Variants in SGCD observed in about 807,000 individuals in gnomAD.
SGCD encodes the protein delta-sarcoglycan.
Under a neutral mutation model 36.6 loss-of-function variants are expected in SGCD, and 18 were observed. That is an observed-to-expected ratio of 0.49 (90% CI 0.34 to 0.73). SGCD has a LOEUF of 0.73. SGCD is among the 30% of genes least tolerant of loss of function. The probability of loss-of-function intolerance (pLI) is 0.01; values close to 1 mark genes in which losing one functional copy is unlikely to be tolerated. For synonymous variants in SGCD, 133 were observed against 130.6 expected (o/e 1.02, Z -0.12); for missense variants, 387 against 346.7 (o/e 1.12, Z -0.92).
At chr5:156,744,226 C>T (rs1756833865) in intron 7 of SGCD, among the ~76,000 whole-genome samples, 1 of 152,204 alleles carries the variant, frequency 6.6e-6, no homozygotes, top group South Asian at 2.1e-4. Flanking sequence ...GCTGGAACAA[C>T]ATTTCCCAAA....
chr5:156,444,122 CCCTCTCTCTCTCTCTCCTTCCCTT>C lies in SGCD; in HGVS notation c.193-64478_193-64455del, dbSNP rs1233557930. ...TCTCTCTCTCTCTCTCTCTCCCCTT[CCCTCTCTCTCTCTCTCCTTCCCTT>C]TCTCTCTCTCCTTCCCTCTCTCTCT... On this transcript the variant is annotated intron_variant, in intron 3 of 8. Coordinates refer to ENST00000337851, the MANE Select transcript of SGCD (RefSeq NM_000337.6). Among the ~76,000 whole-genome samples, 642 of 85,210 alleles carry C rather than the reference CCCTCTCTCTCTCTCTCCTTCCCTT, an allele frequency of 7.5e-3. 50 individuals carry two copies. Among genetic ancestry groups the C allele is most frequent in the East Asian group, 0.016 (33 of 2,018 alleles). The allele number at this position is 85,210 out of a possible 152,430, so 55.9% of individuals were successfully genotyped here.
the SGCD span, among the ~76,000 whole-genome samples, chr5:155,764,832 G>C: frequency 1.6e-4 from 24 of 152,114 alleles, no homozygotes; most frequent in African/African-American, 5.3e-4. Context: ...ATAAGATCTG[G>C]GGGGAGGCAG....
intron 3 of SGCD, among the ~76,000 whole-genome samples, chr5:156,399,835 C>T (rs549887117): frequency 1.2e-4 from 18 of 152,210 alleles, no homozygotes; most frequent in African/African-American, 3.9e-4. Context: ...TCATATCTAA[C>T]GTCGTATTTC....
chr5:156,517,699 T>C (rs1180289568), intron 4 of SGCD, among the ~76,000 whole-genome samples: 1 of 151,746 alleles, frequency 6.6e-6, no homozygotes. Context: ...TTTCAACAAC[T>C]TAAAAAAATT....
chr5:155,900,100 T>C (rs1419835694), intron 1 of SGCD, among the ~76,000 whole-genome samples: 1 of 152,210 alleles, frequency 6.6e-6, no homozygotes, highest in African/African-American at 2.4e-5. Context: ...GTGTGATTTT[T>C]TTGGATTTAT....
intron 6 of SGCD, among the ~76,000 whole-genome samples, chr5:156,631,639 A>T (rs918876123): frequency 2.0e-5 from 3 of 151,784 alleles, no homozygotes; most frequent in African/African-American, 7.3e-5. Context: ...AAAGATTGGG[A>T]GATACTAGAT....
intron 1 of SGCD, among the ~76,000 whole-genome samples, chr5:156,011,127 A>G (rs961931509): frequency 6.6e-6 from 1 of 152,232 alleles, no homozygotes; most frequent in African/African-American, 2.4e-5. Context: ...CAAGGAAATG[A>G]GTATATTTTG....
At chr5:156,108,497 A>C (rs1761704579) in intron 1 of SGCD, among the ~76,000 whole-genome samples, 1 of 152,154 alleles carries the variant, frequency 6.6e-6, no homozygotes, top group Non-Finnish European at 1.5e-5. Context: ...ATAGCATTAA[A>C]TAAGTATAAT....
intron 3 of SGCD, among the ~76,000 whole-genome samples, chr5:156,153,961 C>A (rs371745338): frequency 6.6e-6 from 1 of 151,576 alleles, no homozygotes; most frequent in Non-Finnish European, 1.5e-5. Context: ...TTTTTGCACA[C>A]GACATGTTAC....
intron 3 of SGCD, among the ~76,000 whole-genome samples, chr5:156,365,827 T>C (rs1770069148): frequency 6.6e-6 from 1 of 152,246 alleles, no homozygotes; most frequent in South Asian, 2.1e-4. Context: ...TATACAGATA[T>C]ATTTAAATGT....
intron 6 of SGCD, among the ~76,000 whole-genome samples, chr5:156,626,573 G>A (rs1157829382): frequency 2.0e-5 from 3 of 152,102 alleles, no homozygotes; most frequent in African/African-American, 7.2e-5. Flanking sequence ...ATTTTTGTTG[G>A]TAAGACAAGT....
At chr5:156,734,943 G>GAA (rs942743470) in intron 7 of SGCD, among the ~76,000 whole-genome samples, 2 of 152,126 alleles carry the variant, frequency 1.3e-5, no homozygotes, top group African/African-American at 4.8e-5. Flanking sequence ...AGTTTTCAGT[G>GAA]GTTTTGCACT....
chr5:155,779,121 C>A, the SGCD span, among the ~76,000 whole-genome samples: 1 of 152,104 alleles, frequency 6.6e-6, no homozygotes, highest in South Asian at 2.1e-4. Context: ...CCTGATAAAA[C>A]CAAATTGTCA....
At chr5:156,281,131 T>C (rs1255711224) in intron 3 of SGCD, among the ~76,000 whole-genome samples, 1 of 152,196 alleles carries the variant, frequency 6.6e-6, no homozygotes, top group Non-Finnish European at 1.5e-5. Flanking sequence ...GAAAGGAATT[T>C]ACATGTTGGT....
chr5:156,197,504 C>G (rs1764050214), intron 3 of SGCD, among the ~76,000 whole-genome samples: 1 of 141,126 alleles, frequency 7.1e-6, no homozygotes, highest in Non-Finnish European at 1.5e-5. Context: ...ACAGCTTGGC[C>G]TTTATAGCTC....
At chr5:156,102,660 C>G (rs968096553) in intron 1 of SGCD, among the ~76,000 whole-genome samples, 1 of 152,182 alleles carries the variant, frequency 6.6e-6, no homozygotes, top group Non-Finnish European at 1.5e-5. Flanking sequence ...GAAGCACATA[C>G]AAGTCTGTGG....
intron 1 of SGCD, among the ~76,000 whole-genome samples, chr5:156,021,036 G>A (rs574993680): frequency 7.2e-5 from 11 of 152,146 alleles, no homozygotes; most frequent in Non-Finnish European, 1.6e-4. Flanking sequence ...TTGCAATTCT[G>A]TTGGTTATTT....
At chr5:155,978,054 A>T (rs910785341) in intron 1 of SGCD, among the ~76,000 whole-genome samples, 1 of 152,098 alleles carries the variant, frequency 6.6e-6, no homozygotes, top group Admixed American at 6.6e-5. Context: ...AGATCATGCC[A>T]CTGCACTCCA....
In SGCD at chr5:156,040,295, T is replaced by C. The variant is rs572827411; in HGVS notation, c.-281-77583T>C. On this transcript the variant is annotated intron_variant, in intron 1 of 9. Transcript: ENST00000517913. Reference sequence around the variant, plus strand: ...AGGATTTACTGATGAAGCTTAAGCCTTGGCGTCTCCGACAAGCGGGAGCCC... The same window carrying C: ...AGGATTTACTGATGAAGCTTAAGCCCTGGCGTCTCCGACAAGCGGGAGCCC... Among the ~76,000 whole-genome samples the C allele has an allele frequency of 3.3e-5, 5 of 152,346 alleles. No individual in the cohort carries two copies. The South Asian group carries it at 8.3e-4, about 25-fold the overall frequency.
Sources: allele counts gnomAD v4.1 joint callset (sites outside exome capture counted in the v4.1 genomes callset), GRCh38; gene constraint gnomAD v4.1.1; transcripts MANE v1.5; gene names NCBI Gene and HGNC (gene_info 2026-07-23, HGNC 2026-07-21).